TRHDE: variants seen among roughly 807,000 people sequenced by gnomAD.
The protein encoded by TRHDE is thyrotropin-releasing hormone-degrading ectoenzyme.
In TRHDE, 72 loss-of-function variants were observed where a neutral mutation model predicts 125.7. The ratio of observed to expected loss-of-function variants is 0.57; its 90% CI spans 0.47 to 0.70. TRHDE has a LOEUF of 0.70. TRHDE is among the 30% of genes least tolerant of loss of function. The pLI is 0.00. For missense variants in TRHDE, 1,110 were observed against 1,327.1 expected (o/e 0.84, Z 2.54); for synonymous variants, 509 against 509.1 (o/e 1.00, Z 0.00).
rs184860978 is a variant in TRHDE at position 72,456,701 on chromosome 12, A to G, written c.1316-13057A>G. On this transcript the variant is annotated intron_variant, in intron 3 of 18. Transcript: ENST00000261180. ...CATTTTTATGATTAGTACAAAAAAAAAATCTCTTCTCAGCATTTTCCCGTT... is the reference window on the plus strand; with the variant it reads ...CATTTTTATGATTAGTACAAAAAAAGAATCTCTTCTCAGCATTTTCCCGTT... Among the ~76,000 whole-genome samples, 410 of 152,262 alleles carry G rather than the reference A, an allele frequency of 2.7e-3. 3 individuals carry two copies. The highest frequency in any genetic ancestry group is 0.01 in the Middle Eastern group (3 of 294).
intron 2 of TRHDE, among the ~76,000 whole-genome samples, chr12:72,182,938 G>A (rs1164963835): frequency 2.0e-5 from 3 of 152,146 alleles, no homozygotes; most frequent in African/African-American, 7.2e-5. Context: ...GTAAGACAAT[G>A]TTATGGGGGA....
intron 3 of TRHDE, among the ~76,000 whole-genome samples, chr12:72,394,318 G>T (rs1467591283): frequency 1.6e-4 from 25 of 152,076 alleles, no homozygotes; most frequent in Admixed American, 1.6e-3. Context: ...AAGTATTTCT[G>T]CCATGAATTG....
intron 15 of TRHDE, among the ~76,000 whole-genome samples, chr12:72,646,932 A>G (rs972996275): frequency 1.3e-5 from 2 of 152,090 alleles, no homozygotes; most frequent in Non-Finnish European, 2.9e-5. Context: ...CAGAAGATCA[A>G]TAAGGAAAGA....
intron 2 of TRHDE, among the ~76,000 whole-genome samples, chr12:72,135,455 G>A (rs1592453803): frequency 6.6e-6 from 1 of 152,086 alleles, no homozygotes; most frequent in South Asian, 2.1e-4. Context: ...TCAATACATG[G>A]GACAAAGCTC....
intron 3 of TRHDE, among the ~76,000 whole-genome samples, chr12:72,447,499 G>A (rs990277105): frequency 8.6e-5 from 13 of 152,044 alleles, no homozygotes; most frequent in Non-Finnish European, 1.3e-4. Context: ...AGTATTTTGA[G>A]TAGTAAGGTT....
intron 7 of TRHDE, among the ~76,000 whole-genome samples, chr12:72,546,236 T>C (rs527467155): frequency 4.9e-4 from 74 of 151,776 alleles, no homozygotes; most frequent in African/African-American, 1.7e-3. Flanking sequence ...TTTGGATACA[T>C]TGATTCAAAG....
intron 6 of TRHDE, among the ~76,000 whole-genome samples, chr12:72,512,419 T>C (rs1878619294): frequency 1.8e-5 from 2 of 113,524 alleles, no homozygotes; most frequent in East Asian, 2.7e-4. Context: ...TATAACTATA[T>C]AATATATATT....
chr12:72,300,376 AC>A (rs1880459734), intron 2 of TRHDE, among the ~76,000 whole-genome samples: 1 of 23,980 alleles, frequency 4.2e-5, no homozygotes, highest in Non-Finnish European at 1.4e-4. Context: ...ACACACACAC[AC>A]ACACACACAC....
At chr12:72,434,495 G>T (rs1351984771) in intron 3 of TRHDE, among the ~76,000 whole-genome samples, 1 of 151,914 alleles carries the variant, frequency 6.6e-6, no homozygotes, top group Non-Finnish European at 1.5e-5. Flanking sequence ...TTGTGTGTGT[G>T]AGAGGAGTGG....
At chr12:72,207,641 G>A (rs925150790) in intron 2 of TRHDE, among the ~76,000 whole-genome samples, 2 of 152,218 alleles carry the variant, frequency 1.3e-5, no homozygotes, top group African/African-American at 4.8e-5. Flanking sequence ...TATGTCAGCA[G>A]CTGTGTTTGA....
At chr12:72,386,392 C>T (rs1412429853) in intron 3 of TRHDE, among the ~76,000 whole-genome samples, 1 of 152,180 alleles carries the variant, frequency 6.6e-6, no homozygotes, top group African/African-American at 2.4e-5. Flanking sequence ...TACTATGGGT[C>T]AACTGGCATT....
chr12:72,521,803 C>A (rs529570448), intron 6 of TRHDE, among the ~76,000 whole-genome samples: 9 of 152,282 alleles, frequency 5.9e-5, no homozygotes, highest in South Asian at 2.1e-4. Flanking sequence ...ACAGCAGGAA[C>A]CTTGCTACTA....
At chr12:72,356,440 T>C (rs1364447917) in intron 2 of TRHDE, among the ~76,000 whole-genome samples, 1 of 151,398 alleles carries the variant, frequency 6.6e-6, no homozygotes, top group Non-Finnish European at 1.5e-5. Flanking sequence ...GGTACTAGAC[T>C]TAGTACCTGG....
At chr12:72,591,917 G>C (rs1276760325) in intron 12 of TRHDE, among the ~76,000 whole-genome samples, 2 of 151,298 alleles carry the variant, frequency 1.3e-5, no homozygotes, top group African/African-American at 4.9e-5. Context: ...TTCAAAGTGT[G>C]ATTTTTATCT....
At chr12:72,187,446 GGGTGGT>G (rs971743256) in intron 2 of TRHDE, among the ~76,000 whole-genome samples, 1 of 148,650 alleles carries the variant, frequency 6.7e-6, no homozygotes, top group Non-Finnish European at 1.5e-5. Context: ...GAGGTGGGGG[GGGTGGT>G]GGTGGTGGTG....
intron 3 of TRHDE, among the ~76,000 whole-genome samples, chr12:72,432,753 T>G (rs1032814887): frequency 6.6e-6 from 1 of 152,204 alleles, no homozygotes; most frequent in African/African-American, 2.4e-5. Flanking sequence ...CTATGTAAAA[T>G]GTCATGTCTT....
chr12:72,493,267 A>G (rs1296456204), intron 5 of TRHDE, among the ~76,000 whole-genome samples: 1 of 151,974 alleles, frequency 6.6e-6, no homozygotes, highest in African/African-American at 2.4e-5. Flanking sequence ...ATACTGAAAA[A>G]GGAAATAACT....
chr12:72,401,477 G>T (rs541292024), intron 3 of TRHDE, among the ~76,000 whole-genome samples: 2 of 152,288 alleles, frequency 1.3e-5, no homozygotes, highest in South Asian at 4.1e-4. Context: ...TCCAGAGCCA[G>T]CAACTGACCA....
intron 3 of TRHDE, among the ~76,000 whole-genome samples, chr12:72,454,084 T>C (rs1453120064): frequency 1.3e-5 from 2 of 152,326 alleles, no homozygotes; most frequent in East Asian, 3.9e-4. Context: ...AGTATACTTA[T>C]GATTTTCAGT....
Sources: gnomAD v4.1 joint callset for allele counts (sites outside exome capture counted in the v4.1 genomes callset) on GRCh38, gnomAD v4.1.1 for gene constraint, MANE v1.5 for transcripts, NCBI Gene and HGNC (gene_info 2026-07-23, HGNC 2026-07-21) for gene names.